LAMA5: variants seen among roughly 807,000 people sequenced by gnomAD.
LAMA5 encodes laminin subunit alpha 5.
Under a neutral mutation model 433.4 loss-of-function variants are expected in LAMA5, and 260 were observed. That is an observed-to-expected ratio of 0.60 (90% CI 0.54 to 0.66). LAMA5 has a LOEUF of 0.66. Among genes scored for constraint, LAMA5 ranks in the 30% least tolerant of loss-of-function variants. The pLI, the probability that LAMA5 is intolerant of heterozygous loss-of-function variation, is 0.00. For synonymous variants in LAMA5, 2,620 were observed against 2,226.6 expected, an observed-to-expected ratio of 1.18 and a Z score of -4.97; for missense variants, 5,378 against 5,258.5, an observed-to-expected ratio of 1.02 and a Z score of -0.70.
intron 45 of LAMA5, among the ~76,000 whole-genome samples, chr20:62,323,186 G>A (rs1978615177): frequency 6.7e-6 from 1 of 149,188 alleles, no homozygotes; most frequent in Admixed American, 6.7e-5. Flanking sequence ...GGGTCTGATT[G>A]TAGTAGGGAG....
intron 2 of LAMA5, among the ~76,000 whole-genome samples, chr20:62,358,971 C>T (rs919558936): frequency 6.6e-6 from 1 of 152,142 alleles, no homozygotes; most frequent in Non-Finnish European, 1.5e-5. Context: ...CGCCCCCAAC[C>T]AATACTTCTA....
chr20:62,309,430 A>T lies in LAMA5; in HGVS notation c.10994T>A (p.Met3665Lys). ...GGACCGGTTCACCGCCAGCCTCCTCATGCAGCCGCAGTAGGCGGGGGGCCA... is the reference window on the plus strand; with the variant it reads ...GGACCGGTTCACCGCCAGCCTCCTCTTGCAGCCGCAGTAGGCGGGGGGCCA... The part of the protein sequence containing the change: ...QPWPPAYCGC[M>K]RRLAVNRSPV... Residue 3665 changes from methionine to lysine, a missense_variant, in exon 80 of 80, where the codon ATG (methionine) becomes AAG (lysine). Met to Lys is a moderately conservative substitution (Grantham distance 95). Transcript: ENST00000252999. 2.5e-6 allele frequency: 4 copies of T among 1,584,322 alleles called. No homozygotes were observed. Among genetic ancestry groups the T allele is most frequent in the Non-Finnish European group, 3.4e-6 (4 of 1,174,232 alleles).
At position 62,346,137 on chromosome 20, in the gene LAMA5, G is replaced by A. The variant is rs1200000056; in HGVS notation, c.1361C>T (p.Ser454Phe). 1 of 1,613,116 alleles carries A rather than the reference G, an allele frequency of 6.2e-7. No individual in the cohort carries two copies. The highest frequency in any genetic ancestry group is 8.5e-7 in the Non-Finnish European group (1 of 1,180,000). Residue 454 changes from serine to phenylalanine, a missense_variant, in exon 10 of 80, where the codon TCT becomes TTT. Physicochemically the swap from Ser to Phe is radical, Grantham distance 155 (BLOSUM62 -2). Coordinates refer to ENST00000252999, the MANE Select transcript of LAMA5 (RefSeq NM_005560.6). ...TGRCYCRPNF[S>F]GERCDVCAEG... ...GGCACACACGTCACACCGCTCCCCA[G>A]AGAAGTTGGGCCGGCAGTAGCATCG...
At chr20:62,361,824 G>T (rs1409593904) in intron 2 of LAMA5, among the ~76,000 whole-genome samples, 1 of 152,238 alleles carries the variant, frequency 6.6e-6, no homozygotes, top group Non-Finnish European at 1.5e-5. Context: ...CCACCTTGGG[G>T]GTTTCACTCT....
intron 1 of LAMA5, among the ~76,000 whole-genome samples, chr20:62,366,364 GA>G (rs749209847): frequency 6.6e-6 from 1 of 152,212 alleles, no homozygotes; most frequent in Non-Finnish European, 1.5e-5. Flanking sequence ...GAAGCCCCCG[GA>G]CCCTACCACC....
chr20:62,338,473 C>A lies in LAMA5; in HGVS notation c.1613G>T (p.Cys538Phe). Residue 538 changes from cysteine (C) to phenylalanine (F), a missense_variant, in exon 12 of 80, where the codon TGC becomes TTC. Cys to Phe is a radical substitution (Grantham distance 205). Transcript: ENST00000252999. ...LCAPGFYGPG[C>F]QPCQCSSPGV... is the part of the protein sequence containing the mutation. ...AGCGGGGAGAGGGGACTCACGCTGGCAGCCGGGGCCGTAGAACCCTGGCGC... is the reference window on the plus strand; with the variant it reads ...AGCGGGGAGAGGGGACTCACGCTGGAAGCCGGGGCCGTAGAACCCTGGCGC... 6.2e-7 allele frequency: 1 copy of A among 1,608,204 alleles called. No homozygotes were observed. Among genetic ancestry groups the A allele is most frequent in the Non-Finnish European group, 8.5e-7 (1 of 1,178,310 alleles).
intron 1 of LAMA5, among the ~76,000 whole-genome samples, chr20:62,365,959 T>TGC (rs1260851813): frequency 6.6e-6 from 1 of 152,146 alleles, no homozygotes; most frequent in Non-Finnish European, 1.5e-5. Context: ...CATAACGTCT[T>TGC]GCTCCAGGGC....
rs201190922 is a variant in LAMA5, at chr20:62,351,711, G to A, written c.949C>T (p.Pro317Ser). 4.2e-5 allele frequency: 67 copies of A among 1,611,460 alleles called. No individual in the cohort carries two copies. Among genetic ancestry groups the A allele is most frequent in the Admixed American group, 8.3e-5 (5 of 59,904 alleles). Residue 317 changes from proline (P) to serine (S), a missense_variant, in exon 6 of 80, where the codon CCG becomes TCG. Transcript: ENST00000252999. ...ACCTGAATGGGGCCTCACCTGAACG[G>A]GTCCGTGGGGTCTTTGGCATCGCAG... is the stretch of plus-strand genomic sequence containing the variant. The part of the protein sequence containing the change: ...DACDAKDPTD[P>S]FRLQCTCQHN...
chr20:62,327,544 G>C lies in LAMA5; in HGVS notation c.4923C>G (p.Ser1641=). ...FGATERCRSS[S]YTRQEFVDME... ...GCAGGCGCACCTCCTGGCGGGTGTA[G>C]GACGAGCTCCGGCAGCGCTCCGTGG... The change falls in exon 37 of 80, where the codon TCC becomes TCG. Residue 1641 remains serine (S), a synonymous_variant. Coordinates refer to ENST00000252999, the MANE Select transcript of LAMA5 (RefSeq NM_005560.6). 1.9e-6 allele frequency: 3 copies of C among 1,612,896 alleles called. No individual in the cohort carries two copies. Among genetic ancestry groups the C allele is most frequent in the South Asian group, 2.2e-5 (2 of 91,084 alleles).
At chr20:62,326,012 G>A (rs1979220029) in intron 40 of LAMA5, among the ~76,000 whole-genome samples, 1 of 152,272 alleles carries the variant, frequency 6.6e-6, no homozygotes, top group Admixed American at 6.5e-5. Context: ...CCTGAAGTCA[G>A]GAGTTCGAGA....
In LAMA5 at chr20:62,338,606, A is replaced by T. The variant is rs1237693985; in HGVS notation, c.1480T>A (p.Cys494Ser). ...TGGGTCCCTGCCGCGCTGCAGTCAC[A>T]ATCTGGAGGGTGGGGACAGGCAGGG... The part of the protein sequence containing the change: ...QVLPAGQIVN[C>S]DCSAAGTQGN... The change falls in exon 12 of 80, where the codon TGT becomes AGT. Residue 494 changes from cysteine to serine, a missense_variant and splice_region_variant. Transcript: ENST00000252999. 1.9e-6 allele frequency: 3 copies of T among 1,608,892 alleles called. No individual in the cohort carries two copies. Among genetic ancestry groups the T allele is most frequent in the Non-Finnish European group, 1.7e-6 (2 of 1,179,098 alleles).
At chr20:62,338,685 C>A in intron 11 of LAMA5, 77 bp from the exon 12 acceptor site, 1 of 1,361,296 alleles carries the variant, frequency 7.3e-7, no homozygotes, top group Non-Finnish European at 9.9e-7. Context: ...AACCTTCCCT[C>A]TCCACAAACT....
rs1480102124 is a variant in LAMA5 at position 62,330,723 on chromosome 20, C to T, written c.3852+20G>A. 1 of 1,556,662 alleles carries T rather than the reference C, an allele frequency of 6.4e-7. No individual in the cohort carries two copies. Among genetic ancestry groups the T allele is most frequent in the South Asian group, 1.2e-5 (1 of 84,552 alleles). On this transcript the variant is annotated intron_variant, in intron 30 of 79. Coordinates refer to ENST00000252999, the MANE Select transcript of LAMA5 (RefSeq NM_005560.6). Reference sequence around the variant, plus strand: ...GTCCTGCCCTGACACCCCCGTCCCTCTAGAGACTATGGCCCTCACCTGGGG... The same window carrying T: ...GTCCTGCCCTGACACCCCCGTCCCTTTAGAGACTATGGCCCTCACCTGGGG...
In LAMA5 at chr20:62,332,551, A is replaced by G. The variant is rs763607522; in HGVS notation, c.3443+6T>C. 1 of 1,597,628 alleles carries G rather than the reference A, an allele frequency of 6.3e-7. No homozygotes were observed. The highest frequency in any genetic ancestry group is 8.5e-7 in the Non-Finnish European group (1 of 1,169,690). On this transcript the variant is annotated splice_donor_region_variant and intron_variant, in intron 27 of 79. Coordinates refer to ENST00000252999, the MANE Select transcript of LAMA5 (RefSeq NM_005560.6). ...CCTTACTCCAGCCCCACCGGCTCCC[A>G]CTCACCTGTACAGGCAGGGGTGCAG... is the stretch of plus-strand genomic sequence containing the variant.
chr20:62,322,597 C>G (rs1475230691), intron 46 of LAMA5, 61 bp downstream of exon 46: 1 of 1,446,092 alleles, frequency 6.9e-7, no homozygotes, highest in Admixed American at 2.1e-5. Context: ...AGATTCTCCC[C>G]AGGCCCCAAC....
At chr20:62,331,581 G>T (rs553731346) in intron 28 of LAMA5, among the ~76,000 whole-genome samples, 1 of 152,092 alleles carries the variant, frequency 6.6e-6, no homozygotes, top group Non-Finnish European at 1.5e-5. Flanking sequence ...CCACCAGGCC[G>T]GGCCAGGCCC....
intron 51 of LAMA5, 22 bp from the exon 52 acceptor site, chr20:62,319,035 G>C (rs1438788579): frequency 6.5e-7 from 1 of 1,535,746 alleles, no homozygotes. Context: ...GGGTTCGTCA[G>C]AGCCTGGGGC....
rs758850615 is a variant in LAMA5, at chr20:62,322,131, C to T, written c.6384G>A (p.Thr2128=). 13 of 1,602,288 alleles carry T rather than the reference C, an allele frequency of 8.1e-6. No individual in the cohort carries two copies. The highest frequency in any genetic ancestry group is 5.3e-5 in the African/African-American group (4 of 74,886). The change falls in exon 48 of 80, where the codon ACG becomes ACA. Residue 2128 remains threonine (T), a synonymous_variant. Transcript: ENST00000252999. ...GCCCCGGGGGGCAGTTGCAGCGGCC[C>T]GTGTGAGGGTCACAGCGGCCCCCAG... ...QCPGGRCDPH[T]GRCNCPPGLS... is the part of the protein sequence containing the mutation.
chr20:62,335,598 A>T (rs1168876567), intron 18 of LAMA5, among the ~76,000 whole-genome samples: 1 of 124,238 alleles, frequency 8.0e-6, no homozygotes, highest in East Asian at 2.5e-4. Context: ...CCTCCAGGAC[A>T]CCCTCATGGG....
Sources: allele counts gnomAD v4.1 joint callset (sites outside exome capture counted in the v4.1 genomes callset), GRCh38; gene constraint gnomAD v4.1.1; transcripts MANE v1.5; gene names NCBI Gene and HGNC (gene_info 2026-07-23, HGNC 2026-07-21).